UMAD1: variants seen among roughly 807,000 people sequenced by gnomAD.
The protein encoded by UMAD1 is UBAP1-MVB12-associated (UMA) domain containing 1, also known as UBAP1-MVB12-associated (UMA)-domain containing protein 1.
A neutral mutation model predicts 6.1 loss-of-function variants in UMAD1; 8 were observed. The ratio of observed to expected loss-of-function variants is 1.30; its 90% CI spans 0.76 to 2.35. The LOEUF (loss-of-function observed/expected upper bound fraction) is 2.35, where lower values mean the gene tolerates loss of function less well. Ranked by LOEUF, UMAD1 falls within the 30% of genes most tolerant of loss-of-function variation. The probability of loss-of-function intolerance (pLI) is 0.00; values close to 1 mark genes in which losing one functional copy is unlikely to be tolerated. For synonymous variants in UMAD1, 56 were observed against 31.4 expected (o/e 1.78, Z -2.61); for missense variants, 130 against 78.4 (o/e 1.66, Z -2.49).
intron 3 of UMAD1, among the ~76,000 whole-genome samples, chr7:7,823,242 A>G (rs113392076): frequency 3.9e-5 from 6 of 152,300 alleles, no homozygotes; most frequent in Admixed American, 2.0e-4. Flanking sequence ...CCAAAAAGAT[A>G]AATAGGTCAT....
At chr7:7,757,509 A>G (rs1471918960) in intron 2 of UMAD1, among the ~76,000 whole-genome samples, 1 of 152,230 alleles carries the variant, frequency 6.6e-6, no homozygotes, top group Non-Finnish European at 1.5e-5. Flanking sequence ...TACTTAAGCT[A>G]CCAAAGTAAA....
chr7:7,652,020 G>C (rs1583695026), intron 1 of UMAD1, among the ~76,000 whole-genome samples: 1 of 152,174 alleles, frequency 6.6e-6, no homozygotes, highest in South Asian at 2.1e-4. Flanking sequence ...ATCTTGTCAG[G>C]GAGGGGTAGA....
intron 2 of UMAD1, among the ~76,000 whole-genome samples, chr7:7,777,242 C>T (rs1364996913): frequency 1.3e-5 from 2 of 151,816 alleles, no homozygotes; most frequent in East Asian, 3.9e-4. Flanking sequence ...CGTGGCGGCT[C>T]ATCCCTGTAA....
At chr7:7,658,219 A>G (rs1357902625) in intron 1 of UMAD1, among the ~76,000 whole-genome samples, 2 of 152,204 alleles carry the variant, frequency 1.3e-5, no homozygotes, top group Non-Finnish European at 2.9e-5. Context: ...GGCTGAGACG[A>G]TGGGGTTTTC....
At chr7:7,664,479 C>G (rs1237183331) in intron 1 of UMAD1, among the ~76,000 whole-genome samples, 6 of 152,178 alleles carry the variant, frequency 3.9e-5, no homozygotes, top group African/African-American at 1.4e-4. Flanking sequence ...GCTTACAACT[C>G]TTCAGTAATT....
At chr7:7,764,654 A>G (rs977952789) in intron 2 of UMAD1, among the ~76,000 whole-genome samples, 2 of 152,190 alleles carry the variant, frequency 1.3e-5, no homozygotes, top group African/African-American at 4.8e-5. Context: ...GCCGGAATTG[A>G]TTGGAAGCAG....
intron 2 of UMAD1, among the ~76,000 whole-genome samples, chr7:7,732,821 C>T (rs933528160): frequency 6.6e-6 from 1 of 152,118 alleles, no homozygotes; most frequent in Non-Finnish European, 1.5e-5. Flanking sequence ...GGCACTAAAA[C>T]TTTGAATGTG....
intron 3 of UMAD1, among the ~76,000 whole-genome samples, chr7:7,858,881 C>A (rs1583877807): frequency 1.3e-5 from 2 of 152,264 alleles, no homozygotes; most frequent in Middle Eastern, 6.8e-3. Flanking sequence ...CCTTCTCTTT[C>A]CAGATTTTGC....
chr7:7,659,012 C>A (rs1040980634), intron 1 of UMAD1, among the ~76,000 whole-genome samples: 8 of 152,140 alleles, frequency 5.3e-5, no homozygotes, highest in Non-Finnish European at 8.8e-5. Flanking sequence ...AGGGATTCGA[C>A]TTCTTCCTGG....
intron 3 of UMAD1, among the ~76,000 whole-genome samples, chr7:7,859,098 A>G (rs1206539072): frequency 6.6e-6 from 1 of 152,220 alleles, no homozygotes; most frequent in Non-Finnish European, 1.5e-5. Flanking sequence ...TTCAAGCACT[A>G]GCATTCAGGA....
At chr7:7,704,029 A>G (rs1321771173) in intron 2 of UMAD1, among the ~76,000 whole-genome samples, 1 of 152,178 alleles carries the variant, frequency 6.6e-6, no homozygotes, top group Admixed American at 6.6e-5. Flanking sequence ...TTAGAGCAAC[A>G]GTTCTCAAGG....
intron 2 of UMAD1, among the ~76,000 whole-genome samples, chr7:7,749,740 AT>A (rs1781642393): frequency 6.6e-6 from 1 of 152,140 alleles, no homozygotes; most frequent in Non-Finnish European, 1.5e-5. Flanking sequence ...ATATATTGAG[AT>A]TTTTGTATGT....
At chr7:7,729,349 C>A (rs993840557) in intron 2 of UMAD1, among the ~76,000 whole-genome samples, 1 of 152,176 alleles carries the variant, frequency 6.6e-6, no homozygotes, top group African/African-American at 2.4e-5. Context: ...GAACATTAAG[C>A]TGAAGATGGG....
intron 3 of UMAD1, among the ~76,000 whole-genome samples, chr7:7,819,665 A>T (rs1275444396): frequency 6.6e-6 from 1 of 152,264 alleles, no homozygotes; most frequent in Admixed American, 6.5e-5. Flanking sequence ...CTCTGAAAGA[A>T]AAATGGGTTC....
intron 1 of UMAD1, among the ~76,000 whole-genome samples, chr7:7,669,967 G>C (rs1779565207): frequency 6.6e-6 from 1 of 152,108 alleles, no homozygotes; most frequent in South Asian, 2.1e-4. Context: ...TCTGATGTTT[G>C]GAAGTGACAG....
chr7:7,721,637 G>C (rs1781051484), intron 2 of UMAD1, among the ~76,000 whole-genome samples: 1 of 152,202 alleles, frequency 6.6e-6, no homozygotes. Flanking sequence ...CCCCAGGAAA[G>C]ATCTCTGCAG....
intron 3 of UMAD1, among the ~76,000 whole-genome samples, chr7:7,823,195 C>T (rs1279498356): frequency 6.6e-6 from 1 of 152,030 alleles, no homozygotes; most frequent in Non-Finnish European, 1.5e-5. Flanking sequence ...TAGTTAATAA[C>T]ACTCCTTATT....
intron 2 of UMAD1, among the ~76,000 whole-genome samples, chr7:7,771,579 G>A (rs1037018352): frequency 6.6e-6 from 1 of 152,106 alleles, no homozygotes; most frequent in Non-Finnish European, 1.5e-5. Flanking sequence ...TCTCCATAAT[G>A]TTTTATCACA....
chr7:7,709,890 C>G (rs1472909805), intron 2 of UMAD1, among the ~76,000 whole-genome samples: 1 of 152,088 alleles, frequency 6.6e-6, no homozygotes, highest in African/African-American at 2.4e-5. Flanking sequence ...TTGAAGTTCT[C>G]TAAGTCTTCT....
Sources: allele counts gnomAD v4.1 joint callset (sites outside exome capture counted in the v4.1 genomes callset), GRCh38; gene constraint gnomAD v4.1.1; transcripts MANE v1.5; gene names NCBI Gene and HGNC (gene_info 2026-07-23, HGNC 2026-07-21).